Variants in TMPRSS2 observed in about 807,000 individuals in gnomAD.
TMPRSS2 encodes the protein transmembrane serine protease 2.
A neutral mutation model predicts 67.4 loss-of-function variants in TMPRSS2; 59 were observed. The observed-to-expected ratio is 0.88, with a 90% confidence interval of 0.71 to 1.09. The LOEUF is 1.09. Ranked by LOEUF, TMPRSS2 falls within the 50% of genes least tolerant of loss-of-function variation. The pLI is 0.00. For missense variants in TMPRSS2, 668 were observed against 642.7 expected (o/e 1.04, Z -0.43); for synonymous variants, 257 against 257.0 (o/e 1.00, Z 0.00).
At chr21:41,485,420 G>A (rs2091288811) in intron 5 of TMPRSS2, among the ~76,000 whole-genome samples, 1 of 151,978 alleles carries the variant, frequency 6.6e-6, no homozygotes, top group South Asian at 2.1e-4. Flanking sequence ...GGCTGAGGCA[G>A]GAGAATTGCT....
rs569561312 is a variant in TMPRSS2, at chr21:41,465,871, C to G, written c.*271G>C. 2.1e-5 allele frequency: 11 copies of G among 517,982 alleles called. No individual in the cohort carries two copies. The South Asian group carries it at 2.8e-4, about 13-fold the overall frequency. 32.1% of individuals were successfully genotyped at this position (517,982 alleles called of 1,614,324 possible). A position where few individuals can be genotyped will look rare whatever the true frequency, so the allele number is the denominator to read the frequency against. ...CAGCAGGAAGATCTCAATGGGGCAGCCTCCACCCCTCTCCTCCACACTTGA... is the reference window on the plus strand; with the variant it reads ...CAGCAGGAAGATCTCAATGGGGCAGGCTCCACCCCTCTCCTCCACACTTGA... On this transcript the variant is annotated 3_prime_UTR_variant, in exon 14 of 14. Transcript: ENST00000332149.
intron 10 of TMPRSS2, 130 bp downstream of exon 10, chr21:41,471,676 C>G: frequency 9.3e-7 from 1 of 1,077,430 alleles, no homozygotes; most frequent in East Asian, 2.5e-5. Context: ...CTCCCATTGG[C>G]CACCCGCTGC....
rs756122070 is a variant in TMPRSS2, at chr21:41,471,988, G to A, written c.900-7C>T. The A allele has an allele frequency of 6.3e-7, 1 of 1,591,928 alleles. No homozygotes were observed. Among genetic ancestry groups the A allele is most frequent in the Non-Finnish European group, 8.6e-7 (1 of 1,165,320 alleles). ...CCATGGATTGTTAAGAGGTCTGGGA[G>A]AGAAGAAGGACTCAGTATCTCAGAG... On this transcript the variant is annotated splice_polypyrimidine_tract_variant and splice_region_variant and intron_variant, in intron 9 of 13. Transcript: ENST00000332149.
At chr21:41,502,294 C>A in intron 1 of TMPRSS2, 1 of 796,672 alleles carries the variant, frequency 1.3e-6, no homozygotes, top group Non-Finnish European at 1.5e-6. Flanking sequence ...ACCAAGCCAA[C>A]GCGAATGAAG....
chr21:41,483,729 G>A (rs2091274632), intron 5 of TMPRSS2, among the ~76,000 whole-genome samples: 1 of 150,102 alleles, frequency 6.7e-6, no homozygotes, highest in African/African-American at 2.5e-5. Flanking sequence ...GACGGCAGCT[G>A]ATAAGCCAGA....
At position 41,467,799 on chromosome 21, in the gene TMPRSS2, C is replaced by G; in HGVS notation, c.1402G>C (p.Ala468Pro). ...DTSWGSGCAKAYRPGVYGNVM... is the reference protein window; with the variant it reads ...DTSWGSGCAKPYRPGVYGNVM... ...TTCCCGTACACTCCTGGTCTGTAAG[C>G]TTTGGCACAGCCAGAACCCCAGCTT... The change falls in exon 13 of 14, where the codon GCT becomes CCT. Residue 468 changes from alanine (A) to proline (P), a missense_variant. Physicochemically the swap from Ala to Pro is conservative, Grantham distance 27 (BLOSUM62 -1). Transcript: ENST00000332149. 6.2e-7 allele frequency: 1 copy of G among 1,614,244 alleles called. No homozygotes were observed. The highest frequency in any genetic ancestry group is 8.5e-7 in the Non-Finnish European group (1 of 1,180,050).
At chr21:41,507,924 A>G in intron 1 of TMPRSS2, 157 bp downstream of exon 1, 1 of 1,492,698 alleles carries the variant, frequency 6.7e-7, no homozygotes, top group South Asian at 1.2e-5. Flanking sequence ...GGCTGGCCCC[A>G]GCGCTCGACC....
At chr21:41,468,703 A>C in intron 11 of TMPRSS2, 165 bp from the exon 12 acceptor site, 1 of 699,982 alleles carries the variant, frequency 1.4e-6, no homozygotes, top group South Asian at 2.1e-5. Flanking sequence ...CTCTCCTGGG[A>C]AACCTGGATT....
In TMPRSS2 at chr21:41,479,198, G is replaced by T; in HGVS notation, c.657C>A (p.Val219=). ...TGTGGTACAGTTTTTTATAGATATC[G>T]ACATTGCCGGCACTTGTGTTCAGTT... ...FMKLNTSAGN[V]DIYKKLYHSD... is the part of the protein sequence containing the mutation. Residue 219 remains valine (V), a synonymous_variant, in exon 7 of 14, where the codon GTC becomes GTA. Coordinates refer to ENST00000332149, the MANE Select transcript of TMPRSS2 (RefSeq NM_005656.4). 6.2e-7 allele frequency: 1 copy of T among 1,613,912 alleles called. No homozygotes were observed. The highest frequency in any genetic ancestry group is 8.5e-7 in the Non-Finnish European group (1 of 1,179,914).
At position 41,470,111 on chromosome 21, in the gene TMPRSS2, A is replaced by G. The variant is rs932085455; in HGVS notation, c.1171+537T>C. Among the ~76,000 whole-genome samples the G allele has an allele frequency of 2.0e-5, 3 of 152,210 alleles. 1 individual carries two copies. The highest frequency in any genetic ancestry group is 4.8e-5 in the African/African-American group (2 of 41,452). On this transcript the variant is annotated intron_variant, in intron 11 of 13. Transcript: ENST00000332149. ...TGTAAAATGAACCTTTGTGCCTGCC[A>G]CTAAGCACTTCCAACCCTCCATAAA... is the stretch of plus-strand genomic sequence containing the variant.
At position 41,467,857 on chromosome 21, in the gene TMPRSS2, C is replaced by T. The variant is rs374377315; in HGVS notation, c.1344G>A (p.Ser448=). 1.7e-4 allele frequency: 277 copies of T among 1,614,210 alleles called. 1 individual carries two copies. The highest frequency in any genetic ancestry group is 5.3e-4 in the South Asian group (48 of 91,080). ...CTATCAGCCACCAGATATTGTTCTT[C>T]GAAGTGACCAGAGGCCCTCCACTGT... ...QGDSGGPLVT[S]KNNIWWLIGD... is the part of the protein sequence containing the mutation. Residue 448 remains serine (S), a synonymous_variant, in exon 13 of 14, where the codon TCG becomes TCA. Coordinates refer to ENST00000332149, the MANE Select transcript of TMPRSS2 (RefSeq NM_005656.4).
intron 5 of TMPRSS2, among the ~76,000 whole-genome samples, chr21:41,485,787 ATGCATCATTTTCAAG>A (rs2091293293): frequency 1.3e-5 from 2 of 152,200 alleles, no homozygotes; most frequent in African/African-American, 4.8e-5. Context: ...TAATCAGCAA[ATGCATCATTTTCAAG>A]TGCAAACCTT....
chr21:41,504,845 C>T (rs1446007890), intron 1 of TMPRSS2, among the ~76,000 whole-genome samples: 1 of 152,168 alleles, frequency 6.6e-6, no homozygotes, highest in African/African-American at 2.4e-5. Context: ...CTCTCAGGTA[C>T]ATAATGCTCC....
intron 2 of TMPRSS2, 128 bp downstream of exon 2, chr21:41,497,991 C>G (rs1569026819): frequency 1.2e-5 from 8 of 686,258 alleles, no homozygotes; most frequent in Non-Finnish European, 1.8e-5. Flanking sequence ...GTGCCTTGAA[C>G]AGCATCAGCG....
chr21:41,471,300 G>T (rs1181712631), intron 10 of TMPRSS2, among the ~76,000 whole-genome samples: 2 of 152,210 alleles, frequency 1.3e-5, no homozygotes, highest in Non-Finnish European at 2.9e-5. Flanking sequence ...AAGCAACTTG[G>T]TTTTAGAATG....
chr21:41,471,980 G>A lies in TMPRSS2; in HGVS notation c.901C>T (p.Pro301Ser). Residue 301 changes from proline to serine, a missense_variant and splice_region_variant, in exon 10 of 14, where the codon CCT becomes TCT. Physicochemically the swap from Pro to Ser is moderately conservative, Grantham distance 74. Transcript: ENST00000332149. Reference protein sequence around the residue: ...IVTAAHCVEKPLNNPWHWTAF... With the variant: ...IVTAAHCVEKSLNNPWHWTAF... Reference sequence around the variant, plus strand: ...GTCCAATGCCATGGATTGTTAAGAGGTCTGGGAGAGAAGAAGGACTCAGTA... The same window carrying A: ...GTCCAATGCCATGGATTGTTAAGAGATCTGGGAGAGAAGAAGGACTCAGTA... The A allele has an allele frequency of 6.3e-7, 1 of 1,595,336 alleles. No homozygotes were observed. Among genetic ancestry groups the A allele is most frequent in the East Asian group, 2.3e-5 (1 of 44,440 alleles).
At chr21:41,504,698 T>C (rs2091445778) in intron 1 of TMPRSS2, among the ~76,000 whole-genome samples, 1 of 152,020 alleles carries the variant, frequency 6.6e-6, no homozygotes, top group South Asian at 2.1e-4. Flanking sequence ...GCCAAGGTGG[T>C]CAATGGCCAT....
intron 1 of TMPRSS2, among the ~76,000 whole-genome samples, chr21:41,501,631 A>G (rs554530868): frequency 0.029 from 4,118 of 143,692 alleles, 135 homozygotes; most frequent in Non-Finnish European, 0.041. Flanking sequence ...AAAAAAAAAA[A>G]AAAAAGAAAC....
chr21:41,507,257 C>G (rs2091464134), intron 1 of TMPRSS2, among the ~76,000 whole-genome samples: 1 of 152,198 alleles, frequency 6.6e-6, no homozygotes, highest in Non-Finnish European at 1.5e-5. Context: ...TGTGCCGAGC[C>G]GGGCAGGACA....
Sources: gnomAD v4.1 joint callset for allele counts (sites outside exome capture counted in the v4.1 genomes callset) on GRCh38, gnomAD v4.1.1 for gene constraint, MANE v1.5 for transcripts, NCBI Gene and HGNC (gene_info 2026-07-23, HGNC 2026-07-21) for gene names.